Variants in SLC45A4 observed in about 807,000 individuals in gnomAD.
SLC45A4 encodes polyamine-transporter SLC45A4.
SLC45A4 carries 32 observed loss-of-function variants against 63.7 expected under a neutral mutation model. The ratio of observed to expected loss-of-function variants is 0.50; its 90% CI spans 0.38 to 0.67. SLC45A4 has a LOEUF of 0.67. Among genes scored for constraint, SLC45A4 ranks in the 30% least tolerant of loss-of-function variants. The pLI is 0.00. For missense variants in SLC45A4, 1,027 were observed against 1,157.7 expected (o/e 0.89, Z 1.64); for synonymous variants, 535 against 510.0 (o/e 1.05, Z -0.66).
Position 141,230,082 on chromosome 8 carries a change from C to G in SLC45A4, c.242-8317G>C, listed in dbSNP as rs142309073. 8.8e-6 allele frequency: 4 copies of G among 456,262 alleles called. No individual in the cohort carries two copies. In the East Asian group the frequency reaches 2.8e-4, roughly 32 times the overall value. The allele number at this position is 456,262 out of a possible 1,614,324, so 28.3% of individuals were successfully genotyped here. A position where few individuals can be genotyped will look rare whatever the true frequency, so the allele number is the denominator to read the frequency against. ...AGTTCTCTGCAAGTCTACTTACTCTCGGTAAATGAATTACATGTCAGAGGC... is the reference window on the plus strand; with the variant it reads ...AGTTCTCTGCAAGTCTACTTACTCTGGGTAAATGAATTACATGTCAGAGGC... On this transcript the variant is annotated intron_variant, in intron 2 of 8. Transcript: ENST00000517878.
rs139874236 is a variant in SLC45A4 at position 141,215,932 on chromosome 8, C to A, written c.1768G>T (p.Val590Phe). Reference protein sequence around the residue: ...QKYLDNYDLSVRVIYVLGTLG... With the variant: ...QKYLDNYDLSFRVIYVLGTLG... Reference sequence around the variant, plus strand: ...GTCCCCAGCACGTAGATCACCCTGACGCTCAGGTCGTAGTTGTCCAAGTAC... The same window carrying A: ...GTCCCCAGCACGTAGATCACCCTGAAGCTCAGGTCGTAGTTGTCCAAGTAC... The change falls in exon 7 of 9, where the codon GTC (valine) becomes TTC (phenylalanine). Residue 590 changes from valine to phenylalanine, a missense_variant. Coordinates refer to ENST00000517878, the MANE Select transcript of SLC45A4 (RefSeq NM_001286646.2). The surrounding 1 kb of genome is among the most constrained non-coding windows in gnomAD (Gnocchi z 4.3). The A allele has an allele frequency of 6.2e-7, 1 of 1,614,062 alleles. No homozygotes were observed.
chr8:141,302,635 A>T (rs1830784563), intron 1 of SLC45A4, among the ~76,000 whole-genome samples: 1 of 152,232 alleles, frequency 6.6e-6, no homozygotes, highest in Non-Finnish European at 1.5e-5. Context: ...GCAGGCGTAA[A>T]GTTATTTTAC....
intron 2 of SLC45A4, among the ~76,000 whole-genome samples, chr8:141,242,470 A>T (rs1827961139): frequency 6.6e-6 from 1 of 152,150 alleles, no homozygotes; most frequent in East Asian, 1.9e-4. Flanking sequence ...AAGTGCTGTG[A>T]TTAGAAACGC....
chr8:141,226,448 CCAA>C (rs1016809176), intron 2 of SLC45A4: 1 of 152,312 alleles, frequency 6.6e-6, no homozygotes, highest in African/African-American at 2.4e-5. Flanking sequence ...GCATCTACAC[CCAA>C]CGACAGCTGT....
At chr8:141,219,152 G>A in intron 4 of SLC45A4, 123 bp from the exon 5 acceptor site, 5 of 1,114,634 alleles carry the variant, frequency 4.5e-6, no homozygotes, top group Non-Finnish European at 6.3e-6. Flanking sequence ...GTCAGGGGCT[G>A]GAGAAGGAGA....
At chr8:141,274,873 C>T (rs1563666404) in intron 1 of SLC45A4, among the ~76,000 whole-genome samples, 1 of 152,242 alleles carries the variant, frequency 6.6e-6, no homozygotes, top group African/African-American at 2.4e-5. Flanking sequence ...TCGTGGATCC[C>T]TTGTGTAAAC....
chr8:141,257,820 C>A (rs1343735349), intron 1 of SLC45A4, among the ~76,000 whole-genome samples: 1 of 152,156 alleles, frequency 6.6e-6, no homozygotes, highest in Non-Finnish European at 1.5e-5. Context: ...CAGCCTCCAG[C>A]AGAGAAGGCC....
At chr8:141,271,905 C>T (rs566929225) in intron 1 of SLC45A4, among the ~76,000 whole-genome samples, 17 of 151,884 alleles carry the variant, frequency 1.1e-4, no homozygotes, top group Admixed American at 2.6e-4. Context: ...CGTACACATA[C>T]ATGCGCTCAC....
At position 141,280,978 on chromosome 8, in the gene SLC45A4, CG is replaced by C. The variant is rs1305629120; in HGVS notation, c.-400-26350del. Among the ~76,000 whole-genome samples, 5 of 152,372 alleles carry C rather than the reference CG, an allele frequency of 3.3e-5. No homozygotes were observed. The East Asian group carries it at 9.6e-4, about 29-fold the overall frequency. On this transcript the variant is annotated intron_variant, in intron 1 of 8. Coordinates refer to ENST00000517878, the MANE Select transcript of SLC45A4 (RefSeq NM_001286646.2). ...TGCACATTTTCCTACTCAAAGACAA[CG>C]GAGTCCAGGCATCCTCTCAGCATCG...
intron 1 of SLC45A4, among the ~76,000 whole-genome samples, chr8:141,277,274 C>T (rs750869223): frequency 6.6e-6 from 1 of 152,166 alleles, no homozygotes; most frequent in Non-Finnish European, 1.5e-5. Context: ...CGGCGAGGAC[C>T]GGAATGAAAG....
At chr8:141,214,934 C>G (rs1159513664) in intron 7 of SLC45A4, among the ~76,000 whole-genome samples, 1 of 152,226 alleles carries the variant, frequency 6.6e-6, no homozygotes, top group African/African-American at 2.4e-5. Context: ...TGTCAGCCAA[C>G]AGCACGGGCA....
intron 1 of SLC45A4, among the ~76,000 whole-genome samples, chr8:141,284,977 G>C (rs775923081): frequency 6.8e-5 from 10 of 146,122 alleles, no homozygotes; most frequent in Non-Finnish European, 1.4e-4. Context: ...CTGGGGCCTC[G>C]GCCCCCCAGC....
intron 1 of SLC45A4, among the ~76,000 whole-genome samples, chr8:141,269,528 CTATGTGGGTGTG>C (rs1264448485): frequency 6.7e-6 from 1 of 148,480 alleles, no homozygotes; most frequent in Non-Finnish European, 1.5e-5. Flanking sequence ...CGATGTCTGC[CTATGTGGGTGTG>C]TGTGTGGGTG....
intron 2 of SLC45A4, chr8:141,225,376 C>G (rs948160494): frequency 1.3e-5 from 2 of 152,236 alleles, no homozygotes; most frequent in African/African-American, 4.8e-5. Flanking sequence ...GTGGAGTTAA[C>G]TATCCAAGTT....
At chr8:141,265,852 G>T (rs1476166675) in intron 1 of SLC45A4, among the ~76,000 whole-genome samples, 3 of 152,228 alleles carry the variant, frequency 2.0e-5, no homozygotes, top group African/African-American at 7.2e-5. Context: ...TCCAGCGACT[G>T]TCGGGGCATT....
chr8:141,299,295 G>A (rs1283128828), intron 1 of SLC45A4, among the ~76,000 whole-genome samples: 6 of 152,348 alleles, frequency 3.9e-5, no homozygotes, highest in African/African-American at 4.8e-5. Flanking sequence ...GAAAGCGGAC[G>A]GGGAGCCCCG....
At chr8:141,214,939 C>T (rs186837270) in intron 7 of SLC45A4, among the ~76,000 whole-genome samples, 2 of 152,310 alleles carry the variant, frequency 1.3e-5, no homozygotes, top group African/African-American at 2.4e-5. Context: ...GCCAACAGCA[C>T]GGGCACAACA....
At chr8:141,305,957 G>A (rs1163822394) in intron 1 of SLC45A4, among the ~76,000 whole-genome samples, 1 of 152,222 alleles carries the variant, frequency 6.6e-6, no homozygotes, top group Non-Finnish European at 1.5e-5. Context: ...GGGCTGGGGC[G>A]GGATCTCAGA....
At chr8:141,240,695 G>A (rs10110009) in intron 2 of SLC45A4, among the ~76,000 whole-genome samples, 29,665 of 152,178 alleles carry the variant, frequency 0.19, 3,231 homozygotes, top group East Asian at 0.38. Flanking sequence ...GCAGTGAGCC[G>A]TGATCGCACA....
Sources: gnomAD v4.1 joint callset for allele counts (sites outside exome capture counted in the v4.1 genomes callset) on GRCh38, gnomAD v4.1.1 for gene constraint, Gnocchi (gnomAD v3.1) non-coding constraint, MANE v1.5 for transcripts, NCBI Gene and HGNC (gene_info 2026-07-23, HGNC 2026-07-21) for gene names.